Variants in CELF4 observed in about 807,000 individuals in gnomAD.
The protein encoded by CELF4 is CUGBP Elav-like family member 4.
In CELF4, 18 loss-of-function variants were observed where a neutral mutation model predicts 59.9. That is an observed-to-expected ratio of 0.30 (90% confidence interval 0.21 to 0.45). The LOEUF (loss-of-function observed/expected upper bound fraction) is 0.45. CELF4 is among the 20% of genes least tolerant of loss of function. The pLI is 1.00. For missense variants in CELF4, 456 were observed against 689.0 expected (o/e 0.66, Z 3.79); for synonymous variants, 261 against 267.1 (o/e 0.98, Z 0.22).
chr18:37,433,771 T>C (rs1432572554), intron 2 of CELF4, among the ~76,000 whole-genome samples: 1 of 152,076 alleles, frequency 6.6e-6, no homozygotes, highest in East Asian at 1.9e-4. Flanking sequence ...CTCTAAGTCT[T>C]CACGATTCTG....
intron 1 of CELF4, among the ~76,000 whole-genome samples, chr18:37,526,601 G>A (rs1043114303): frequency 6.6e-6 from 1 of 152,230 alleles, no homozygotes; most frequent in East Asian, 1.9e-4. Context: ...TAAGAATGAT[G>A]TTTTAATGGA....
At chr18:37,415,959 G>A (rs1447716641) in intron 2 of CELF4, among the ~76,000 whole-genome samples, 1 of 152,226 alleles carries the variant, frequency 6.6e-6, no homozygotes, top group Non-Finnish European at 1.5e-5. Flanking sequence ...TTCTCTGAAT[G>A]TTGGGCCCAG....
chr18:37,273,662 G>A (rs914678450), intron 6 of CELF4: 4 of 987,780 alleles, frequency 4.0e-6, no homozygotes, highest in Admixed American at 6.0e-5. Context: ...GGGAGGCTGC[G>A]GAATGTGGCC....
chr18:37,389,601 G>C (rs1467191930), intron 2 of CELF4, among the ~76,000 whole-genome samples: 3 of 152,030 alleles, frequency 2.0e-5, no homozygotes, highest in Non-Finnish European at 4.4e-5. Context: ...GGGTATGCTT[G>C]GGGGAGGTGG....
chr18:37,564,474 C>T (rs567051680), intron 1 of CELF4, among the ~76,000 whole-genome samples: 20 of 152,146 alleles, frequency 1.3e-4, no homozygotes, highest in African/African-American at 3.4e-4. Context: ...TATTCTGTCT[C>T]CCCCTCCCCC....
intron 2 of CELF4, among the ~76,000 whole-genome samples, chr18:37,440,097 G>A (rs2099707695): frequency 1.3e-5 from 2 of 152,182 alleles, no homozygotes; most frequent in Non-Finnish European, 2.9e-5. Context: ...ACTCTGTCTG[G>A]TTAGAATGAG....
intron 1 of CELF4, among the ~76,000 whole-genome samples, chr18:37,497,187 T>C (rs934214671): frequency 1.3e-5 from 2 of 151,456 alleles, no homozygotes; most frequent in African/African-American, 4.9e-5. Flanking sequence ...AAGAGAGAAA[T>C]GAAGCCAACT....
At chr18:37,502,073 G>C (rs2099932500) in intron 1 of CELF4, among the ~76,000 whole-genome samples, 1 of 152,288 alleles carries the variant, frequency 6.6e-6, no homozygotes, top group South Asian at 2.1e-4. Context: ...GGCCCCCCGT[G>C]AACCTCGAGC....
chr18:37,385,354 C>CAAAAAAAAAAAAAA (rs34504926), intron 2 of CELF4, among the ~76,000 whole-genome samples: 1 of 100,514 alleles, frequency 9.9e-6, no homozygotes. Flanking sequence ...GACTCCATCT[C>CAAAAAAAAAAAAAA]AAAAAAAAAA....
At chr18:37,323,117 G>A (rs2097181845) in intron 2 of CELF4, among the ~76,000 whole-genome samples, 1 of 152,146 alleles carries the variant, frequency 6.6e-6, no homozygotes, top group Admixed American at 6.6e-5. Flanking sequence ...CAACTGGGTG[G>A]GGGAGTATGG....
Position 37,274,319 on chromosome 18 carries a change from C to A in CELF4, c.793G>T (p.Ala265Ser), listed in dbSNP as rs1171225368. Residue 265 changes from alanine (A) to serine (S), a missense_variant, in exon 6 of 13, where the codon GCT becomes TCT. Coordinates refer to ENST00000420428, the MANE Select transcript of CELF4 (RefSeq NM_020180.4). Reference protein sequence around the residue: ...AIPFGAYGAYAQALMQQQAAL... With the variant: ...AIPFGAYGAYSQALMQQQAAL... ...TGCGCGCTGCCACTTACTGCCTGAG[C>A]GTAGGCGCCGTAGGCCCCGAAAGGG... is the stretch of plus-strand genomic sequence containing the variant. The A allele has an allele frequency of 2.5e-6, 4 of 1,612,598 alleles. No homozygotes were observed. Among genetic ancestry groups the A allele is most frequent in the Admixed American group, 1.7e-5 (1 of 59,796 alleles).
intron 1 of CELF4, among the ~76,000 whole-genome samples, chr18:37,513,941 C>CGTGTGTGT (rs5824070): frequency 2.4e-4 from 35 of 144,346 alleles, no homozygotes; most frequent in African/African-American, 6.2e-4. Flanking sequence ...TGTGTGGTGC[C>CGTGTGTGT]GTGTGTGTGT....
intron 2 of CELF4, chr18:37,473,848 A>G (rs1046671763): frequency 2.0e-5 from 3 of 152,254 alleles, no homozygotes; most frequent in African/African-American, 7.2e-5. Flanking sequence ...AGATTTGTTC[A>G]TGGAAGACAT....
intron 1 of CELF4, among the ~76,000 whole-genome samples, chr18:37,531,517 G>A (rs1055838722): frequency 2.6e-5 from 4 of 152,214 alleles, no homozygotes; most frequent in East Asian, 3.8e-4. Context: ...GCCGCATGCC[G>A]ATCTGCAGCT....
At chr18:37,480,332 C>A (rs1273439134) in intron 2 of CELF4, among the ~76,000 whole-genome samples, 1 of 152,212 alleles carries the variant, frequency 6.6e-6, no homozygotes, top group Non-Finnish European at 1.5e-5. Context: ...ACAGGACAAA[C>A]AAGTGGAAAT....
At chr18:37,517,710 G>A (rs2099952373) in intron 1 of CELF4, among the ~76,000 whole-genome samples, 1 of 152,162 alleles carries the variant, frequency 6.6e-6, no homozygotes. Context: ...AAGGGCTCCT[G>A]GTGGGTGTCC....
In CELF4 at chr18:37,273,037, C is replaced by A; in HGVS notation, c.928G>T (p.Ala310Ser). 6.2e-7 allele frequency: 1 copy of A among 1,611,240 alleles called. No individual in the cohort carries two copies. Reference protein sequence around the residue: ...AALNMNGLAAAPMTPTSGGST... With the variant: ...AALNMNGLAASPMTPTSGGST... ...TCACCTGAGGTTGGGGTCATAGGTG[C>A]GGCCGCCAGGCCATTCATGTTGAGG... The change falls in exon 7 of 13, where the codon GCA (alanine) becomes TCA (serine). Residue 310 changes from alanine to serine, a missense_variant. Around this residue, in one of 7 missense-constraint regions of CELF4, gnomAD observed 256 missense variants for 340.8 expected, o/e 0.75. Coordinates refer to ENST00000420428, the MANE Select transcript of CELF4 (RefSeq NM_020180.4).
chr18:37,328,564 A>G (rs2097416192), intron 2 of CELF4, among the ~76,000 whole-genome samples: 1 of 152,322 alleles, frequency 6.6e-6, no homozygotes, highest in East Asian at 1.9e-4. Flanking sequence ...TTCCCCAAAC[A>G]GACATAATTT....
rs1011107951 is a variant in CELF4, at chr18:37,244,530, T to G, written c.*712A>C. 9 of 152,600 alleles carry G rather than the reference T, an allele frequency of 5.9e-5. No homozygotes were observed. The highest frequency in any genetic ancestry group is 4.6e-4 in the Admixed American group (7 of 15,282). The allele number at this position is 152,600 out of a possible 1,614,324, so 9.5% of individuals were successfully genotyped here. A position where few individuals can be genotyped will look rare whatever the true frequency, so the allele number is the denominator to read the frequency against. On this transcript the variant is annotated 3_prime_UTR_variant, in exon 13 of 13. Coordinates refer to ENST00000420428, the MANE Select transcript of CELF4 (RefSeq NM_020180.4). Reference sequence around the variant, plus strand: ...ATCAAAGAACTATTATCTTGCTGTTTTAAAAGCATTGAAGCGTTATTTTTC... The same window carrying G: ...ATCAAAGAACTATTATCTTGCTGTTGTAAAAGCATTGAAGCGTTATTTTTC...
Sources: allele counts gnomAD v4.1 joint callset (sites outside exome capture counted in the v4.1 genomes callset), GRCh38; gene constraint gnomAD v4.1.1; regional missense constraint gnomAD v4.1.1; transcripts MANE v1.5; gene names NCBI Gene and HGNC (gene_info 2026-07-23, HGNC 2026-07-21).